Variants in MAPK10 observed in about 807,000 individuals in gnomAD.
The protein encoded by MAPK10 is JNK3 alpha protein kinase.
Under a neutral mutation model 59.3 loss-of-function variants are expected in MAPK10, and 25 were observed. That is an observed-to-expected ratio of 0.42 (90% CI 0.31 to 0.59). The LOEUF (loss-of-function observed/expected upper bound fraction) is 0.59, where lower values mean the gene tolerates loss of function less well. MAPK10 is among the 20% of genes least tolerant of loss of function. MAPK10 has a pLI of 0.15. For missense variants in MAPK10, 351 were observed against 568.9 expected (o/e 0.62, Z 3.90); for synonymous variants, 190 against 200.5 (o/e 0.95, Z 0.44).
intron 2 of MAPK10, among the ~76,000 whole-genome samples, chr4:86,304,645 G>A (rs552103781): frequency 6.6e-6 from 1 of 152,002 alleles, no homozygotes; most frequent in Non-Finnish European, 1.5e-5. Context: ...GCCCGCCTCG[G>A]CCTCCCAAAG....
At position 86,012,758 on chromosome 4, in the gene MAPK10, C is replaced by T. The variant is rs1468577761; in HGVS notation, c.*4470G>A. 1 of 152,166 alleles carries T rather than the reference C, an allele frequency of 6.6e-6. No individual in the cohort carries two copies. 9.4% of individuals were successfully genotyped at this position (152,166 alleles called of 1,614,324 possible). On this transcript the variant is annotated 3_prime_UTR_variant, in exon 14 of 14. Transcript: ENST00000641462. Reference sequence around the variant, plus strand: ...CCCATTAGACTGACTGAATTTAGTTCTCACTGCTCAGACCTTGCAAAGAAA... The same window carrying T: ...CCCATTAGACTGACTGAATTTAGTTTTCACTGCTCAGACCTTGCAAAGAAA...
At chr4:86,535,160 G>A (rs1054850648) in intron 1 of MAPK10, among the ~76,000 whole-genome samples, 2 of 152,008 alleles carry the variant, frequency 1.3e-5, no homozygotes, top group African/African-American at 4.8e-5. Context: ...AGTTTTGTTG[G>A]TAAGAGAACG....
chr4:86,399,811 T>C (rs1297729442), intron 1 of MAPK10: 1 of 152,206 alleles, frequency 6.6e-6, no homozygotes, highest in Non-Finnish European at 1.5e-5. Flanking sequence ...TTGAACCTAG[T>C]GCAAGGAGAA....
chr4:86,319,269 G>A (rs539941283), intron 2 of MAPK10, among the ~76,000 whole-genome samples: 8 of 152,254 alleles, frequency 5.3e-5, no homozygotes, highest in East Asian at 1.9e-4. Flanking sequence ...GGGAGAAGCC[G>A]TGCCGGGGCC....
At chr4:86,162,953 C>T (rs1476826108) in intron 3 of MAPK10, among the ~76,000 whole-genome samples, 1 of 152,092 alleles carries the variant, frequency 6.6e-6, no homozygotes, top group African/African-American at 2.4e-5. Context: ...TGGATTCAAG[C>T]ATCAGCAATC....
chr4:86,536,640 A>G (rs895119461), intron 1 of MAPK10, among the ~76,000 whole-genome samples: 1 of 152,212 alleles, frequency 6.6e-6, no homozygotes, highest in Non-Finnish European at 1.5e-5. Flanking sequence ...TCTTTCTACT[A>G]CTATCTTCAA....
At chr4:86,215,840 C>T (rs1237720009) in intron 2 of MAPK10, among the ~76,000 whole-genome samples, 2 of 152,064 alleles carry the variant, frequency 1.3e-5, no homozygotes, top group Non-Finnish European at 2.9e-5. Flanking sequence ...CCAGCCTGGG[C>T]GACAGATTGA....
intron 1 of MAPK10, among the ~76,000 whole-genome samples, chr4:86,471,335 G>A (rs781272960): frequency 2.0e-5 from 3 of 147,552 alleles, no homozygotes; most frequent in Non-Finnish European, 4.5e-5. Flanking sequence ...CAATAAAAAT[G>A]TGATCATATG....
chr4:86,124,524 G>A (rs996106381), intron 4 of MAPK10: 2 of 151,668 alleles, frequency 1.3e-5, no homozygotes, highest in Non-Finnish European at 2.9e-5. Flanking sequence ...TTCACAAATG[G>A]AGCATCCCAG....
rs572383498 is a variant in MAPK10, at chr4:86,407,478, C to T, written c.-122+45552G>A. On this transcript the variant is annotated intron_variant, in intron 1 of 13. Transcript: ENST00000361569. ...AATGTCATTCACTGAATGAAAGGCA[C>T]GGCTAGAATTTGAATCCAGTCGGTC... is the stretch of plus-strand genomic sequence containing the variant. Among the ~76,000 whole-genome samples, 17 of 152,222 alleles carry T rather than the reference C, an allele frequency of 1.1e-4. No individual in the cohort carries two copies. The South Asian group carries it at 1.9e-3, about 17-fold the overall frequency.
intron 2 of MAPK10, among the ~76,000 whole-genome samples, chr4:86,195,058 G>A (rs1196419253): frequency 6.6e-6 from 1 of 151,724 alleles, no homozygotes; most frequent in East Asian, 1.9e-4. Context: ...AATCTTGGTG[G>A]GAAGTACAAA....
chr4:86,566,917 A>C (rs1761099485), intron 1 of MAPK10, among the ~76,000 whole-genome samples: 1 of 152,016 alleles, frequency 6.6e-6, no homozygotes, highest in East Asian at 1.9e-4. Flanking sequence ...AGAAATACAA[A>C]AATTAGCCTG....
chr4:86,504,009 C>T (rs764940018), intron 1 of MAPK10, among the ~76,000 whole-genome samples: 3 of 152,102 alleles, frequency 2.0e-5, no homozygotes, highest in Non-Finnish European at 4.4e-5. Flanking sequence ...AATGTCTATA[C>T]AAATGTCACC....
chr4:86,561,679 C>A (rs533715249), intron 1 of MAPK10, among the ~76,000 whole-genome samples: 1 of 152,216 alleles, frequency 6.6e-6, no homozygotes, highest in African/African-American at 2.4e-5. Context: ...GACTTAATTA[C>A]TTAAAAGCAG....
At chr4:86,484,817 C>G (rs890959633) in intron 1 of MAPK10, among the ~76,000 whole-genome samples, 8 of 152,162 alleles carry the variant, frequency 5.3e-5, no homozygotes, top group Non-Finnish European at 1.0e-4. Context: ...AGAGCTGCTT[C>G]TGCTCCAAAG....
At chr4:86,105,427 T>A (rs1040681445) in intron 5 of MAPK10, among the ~76,000 whole-genome samples, 1 of 152,136 alleles carries the variant, frequency 6.6e-6, no homozygotes, top group Non-Finnish European at 1.5e-5. Flanking sequence ...TTAGGCTTCA[T>A]AAATATGAGT....
chr4:86,525,544 G>A (rs905133670), intron 1 of MAPK10, among the ~76,000 whole-genome samples: 1 of 152,106 alleles, frequency 6.6e-6, no homozygotes, highest in Non-Finnish European at 1.5e-5. Context: ...AGTTATTCCT[G>A]GCTAACAAAG....
At chr4:86,193,026 C>G (rs1166640307) in intron 3 of MAPK10, 1 of 152,466 alleles carries the variant, frequency 6.6e-6, no homozygotes, top group Middle Eastern at 3.4e-3. Flanking sequence ...TTCTAACAGG[C>G]CCCTCTGCTG....
At chr4:86,076,831 C>T (rs1025210243) in intron 9 of MAPK10, among the ~76,000 whole-genome samples, 17 of 152,054 alleles carry the variant, frequency 1.1e-4, no homozygotes, top group African/African-American at 3.9e-4. Flanking sequence ...ATGACCAAAA[C>T]CATTTTTTGT....
Sources: gnomAD v4.1 joint callset for allele counts (sites outside exome capture counted in the v4.1 genomes callset) on GRCh38, gnomAD v4.1.1 for gene constraint, MANE v1.5 for transcripts, NCBI Gene and HGNC (gene_info 2026-07-23, HGNC 2026-07-21) for gene names.